CNTN3: variants seen among roughly 807,000 people sequenced by gnomAD.
CNTN3 encodes contactin-3.
In CNTN3, 60 loss-of-function variants were observed where a neutral mutation model predicts 119.1. The observed-to-expected ratio is 0.50, with a 90% confidence interval of 0.41 to 0.62. The LOEUF (loss-of-function observed/expected upper bound fraction) is 0.62. Among genes scored for constraint, CNTN3 ranks in the 20% least tolerant of loss-of-function variants. CNTN3 has a pLI of 0.00. For missense variants in CNTN3, 1,101 were observed against 1,242.4 expected, an observed-to-expected ratio of 0.89 and a Z score of 1.71; for synonymous variants, 450 against 438.7, an observed-to-expected ratio of 1.03 and a Z score of -0.32.
intron 10 of CNTN3, among the ~76,000 whole-genome samples, chr3:74,363,975 T>C (rs1281902833): frequency 6.6e-6 from 1 of 152,082 alleles, no homozygotes; most frequent in Admixed American, 6.6e-5. Context: ...ATACCTAAAG[T>C]ACAAGAAGAA....
At chr3:74,533,773 A>T (rs552649163) in intron 1 of CNTN3, among the ~76,000 whole-genome samples, 1 of 152,000 alleles carries the variant, frequency 6.6e-6, no homozygotes, top group Non-Finnish European at 1.5e-5. Context: ...AAATGAGGTA[A>T]TATTTTTGAG....
intron 3 of CNTN3, among the ~76,000 whole-genome samples, chr3:74,488,205 T>C (rs545672390): frequency 2.0e-4 from 31 of 152,046 alleles, no homozygotes; most frequent in African/African-American, 6.7e-4. Flanking sequence ...CTCTGCCTCC[T>C]GAGCTCACGC....
chr3:74,559,844 C>T lies in CNTN3; in HGVS notation c.-80-38652G>A, dbSNP rs142226910. Among the ~76,000 whole-genome samples the T allele has an allele frequency of 2.4e-3, 362 of 152,084 alleles. 5 individuals are homozygous for T. The highest frequency in any genetic ancestry group is 0.014 in the South Asian group (69 of 4,818). On this transcript the variant is annotated intron_variant, in intron 1 of 22. Coordinates refer to ENST00000263665, the MANE Select transcript of CNTN3 (RefSeq NM_020872.3). The stretch of plus-strand genomic sequence containing the variant: ...GTTTCTCAAAGTGTATTTCAGTGAC[C>T]GATAACCAGAATTATGGAGTCAACT...
At chr3:74,568,749 G>T (rs905885991) in intron 1 of CNTN3, among the ~76,000 whole-genome samples, 4 of 152,112 alleles carry the variant, frequency 2.6e-5, no homozygotes, top group South Asian at 2.1e-4. Flanking sequence ...GGTGATAAAG[G>T]CTTCCACAGC....
At chr3:74,371,539 G>A (rs1575667664) in intron 5 of CNTN3, 140 bp from the exon 6 acceptor site, 2 of 625,592 alleles carry the variant, frequency 3.2e-6, no homozygotes, top group East Asian at 5.5e-5. Flanking sequence ...AAGAGAAGCA[G>A]TTAAGTGAAA....
At chr3:74,541,426 A>G (rs1703841513) in intron 1 of CNTN3, among the ~76,000 whole-genome samples, 1 of 152,140 alleles carries the variant, frequency 6.6e-6, no homozygotes, top group Non-Finnish European at 1.5e-5. Flanking sequence ...AATGAAGTAC[A>G]GGTTTACACA....
At chr3:74,499,571 T>C (rs1050583472) in intron 3 of CNTN3, 88 bp downstream of exon 3, 2 of 1,296,816 alleles carry the variant, frequency 1.5e-6, no homozygotes, top group East Asian at 2.4e-5. Flanking sequence ...ACTGATGGCA[T>C]AAATATATTG....
intron 22 of CNTN3, among the ~76,000 whole-genome samples, chr3:74,265,188 A>G (rs1282186166): frequency 6.6e-6 from 1 of 152,184 alleles, no homozygotes; most frequent in African/African-American, 2.4e-5. Flanking sequence ...AAGGCAATAA[A>G]TAAAAGCTTC....
At chr3:74,602,772 C>A (rs188074513) in intron 1 of CNTN3, among the ~76,000 whole-genome samples, 50 of 152,230 alleles carry the variant, frequency 3.3e-4, no homozygotes, top group African/African-American at 1.1e-3. Context: ...TTAATTAGCC[C>A]TGTGACTTCT....
At chr3:74,606,788 A>G (rs1378929286) in intron 1 of CNTN3, among the ~76,000 whole-genome samples, 13 of 152,178 alleles carry the variant, frequency 8.5e-5, no homozygotes, top group Admixed American at 8.5e-4. Flanking sequence ...TTTGTTTCAC[A>G]ATATAACGAA....
At chr3:74,490,414 C>A (rs948019583) in intron 3 of CNTN3, among the ~76,000 whole-genome samples, 2 of 152,122 alleles carry the variant, frequency 1.3e-5, no homozygotes, top group Admixed American at 6.6e-5. Context: ...ATGTTTATGG[C>A]CTGACTAAGC....
intron 4 of CNTN3, among the ~76,000 whole-genome samples, chr3:74,429,757 C>T (rs1302538968): frequency 1.3e-5 from 2 of 152,020 alleles, no homozygotes; most frequent in Admixed American, 6.6e-5. Context: ...GAAAGAGTAT[C>T]TAGAATAAGT....
intron 13 of CNTN3, among the ~76,000 whole-genome samples, chr3:74,303,345 A>C (rs1183826749): frequency 6.6e-6 from 1 of 152,192 alleles, no homozygotes; most frequent in African/African-American, 2.4e-5. Context: ...AGGGACAGTA[A>C]GCATGAAAGC....
At chr3:74,290,664 C>T (rs1436711550) in intron 19 of CNTN3, among the ~76,000 whole-genome samples, 2 of 152,168 alleles carry the variant, frequency 1.3e-5, no homozygotes, top group Non-Finnish European at 2.9e-5. Context: ...AGTCTCTCAT[C>T]TGAGGACTGC....
chr3:74,325,433 T>C (rs1267604862), intron 13 of CNTN3, among the ~76,000 whole-genome samples: 6 of 152,128 alleles, frequency 3.9e-5, no homozygotes, highest in African/African-American at 1.2e-4. Context: ...ATGGAGAGAT[T>C]TTCAATCTCA....
intron 5 of CNTN3, among the ~76,000 whole-genome samples, chr3:74,419,380 C>T (rs1701582055): frequency 7.7e-6 from 1 of 129,448 alleles, no homozygotes; most frequent in Non-Finnish European, 1.6e-5. Flanking sequence ...GTTTTTCAGT[C>T]TATCCATCTT....
chr3:74,508,188 G>C (rs1342537249), intron 2 of CNTN3, among the ~76,000 whole-genome samples: 1 of 152,166 alleles, frequency 6.6e-6, no homozygotes, highest in Non-Finnish European at 1.5e-5. Context: ...GTTCTCATGA[G>C]ATCTGAAGGT....
chr3:74,602,134 TAAAAATTAG>T (rs1161404416), intron 1 of CNTN3, among the ~76,000 whole-genome samples: 1 of 150,416 alleles, frequency 6.6e-6, no homozygotes, highest in East Asian at 2.0e-4. Flanking sequence ...TACAAAAAAT[TAAAAATTAG>T]CCAGGCACGG....
intron 20 of CNTN3, among the ~76,000 whole-genome samples, chr3:74,271,291 ATAACCTCCACTG>A (rs1701771378): frequency 6.6e-6 from 1 of 152,220 alleles, no homozygotes; most frequent in East Asian, 1.9e-4. Context: ...AATACACAGC[ATAACCTCCACTG>A]TATAAGAGAA....
Sources: gnomAD v4.1 joint callset for allele counts (sites outside exome capture counted in the v4.1 genomes callset) on GRCh38, gnomAD v4.1.1 for gene constraint, MANE v1.5 for transcripts, NCBI Gene and HGNC (gene_info 2026-07-23, HGNC 2026-07-21) for gene names.